Variants in ADRA1B observed in about 807,000 individuals in gnomAD.
ADRA1B encodes the protein adrenoceptor alpha 1B, also known as alpha-1B adrenergic receptor.
In ADRA1B, 17 loss-of-function variants were observed where a neutral mutation model predicts 17.9. The observed-to-expected ratio is 0.95, with a 90% CI of 0.65 to 1.42. The LOEUF is 1.42. Ranked by LOEUF, ADRA1B falls within the 40% of genes most tolerant of loss-of-function variation. ADRA1B has a pLI of 0.00. For missense variants in ADRA1B, 681 were observed against 722.1 expected, an observed-to-expected ratio of 0.94 and a Z score of 0.65; for synonymous variants, 366 against 327.6, an observed-to-expected ratio of 1.12 and a Z score of -1.27.
chr5:159,957,929 C>CAAAAAAAAAAAAAAAAAAA (rs35956137), intron 1 of ADRA1B, among the ~76,000 whole-genome samples: 2 of 66,844 alleles, frequency 3.0e-5, no homozygotes, highest in African/African-American at 6.7e-5. Flanking sequence ...AACCCCATCT[C>CAAAAAAAAAAAAAAAAAAA]AAAAAAAAAA....
intron 1 of ADRA1B, chr5:159,950,363 G>A (rs73317410): frequency 1.6e-4 from 95 of 592,860 alleles, no homozygotes; most frequent in African/African-American, 1.6e-3. Context: ...CTCTTCAGGG[G>A]GTCTGTATGG....
chr5:159,945,679 A>T (rs374346922), intron 1 of ADRA1B, among the ~76,000 whole-genome samples: 2 of 152,042 alleles, frequency 1.3e-5, no homozygotes. Flanking sequence ...TCTAAATGCT[A>T]TTGAAAATCA....
At chr5:159,969,283 T>C (rs952794579) in intron 1 of ADRA1B, among the ~76,000 whole-genome samples, 3 of 152,166 alleles carry the variant, frequency 2.0e-5, no homozygotes, top group Non-Finnish European at 4.4e-5. Context: ...GCTGACTTAC[T>C]CCTGCACCAG....
At chr5:159,979,052 G>A in the ADRA1B span, among the ~76,000 whole-genome samples, 4 of 152,258 alleles carry the variant, frequency 2.6e-5, no homozygotes, top group Non-Finnish European at 4.4e-5. Flanking sequence ...ATGGCCAGAC[G>A]TAGTGGCTCA....
chr5:159,959,967 C>G (rs1406396342), intron 1 of ADRA1B, among the ~76,000 whole-genome samples: 1 of 152,172 alleles, frequency 6.6e-6, no homozygotes, highest in Non-Finnish European at 1.5e-5. Flanking sequence ...CACTTAATAT[C>G]TGTGTCATAT....
chr5:159,959,993 C>A (rs1755635696), intron 1 of ADRA1B, among the ~76,000 whole-genome samples: 1 of 152,182 alleles, frequency 6.6e-6, no homozygotes, highest in African/African-American at 2.4e-5. Context: ...GAGTTCCATA[C>A]ACTCACAGCT....
intron 1 of ADRA1B, among the ~76,000 whole-genome samples, chr5:159,951,802 GT>G (rs1755446799): frequency 6.6e-6 from 1 of 152,166 alleles, no homozygotes. Context: ...GTCTGGCTTA[GT>G]TCTATCTTTT....
intron 1 of ADRA1B, among the ~76,000 whole-genome samples, chr5:159,949,080 C>A (rs2113255545): frequency 6.6e-6 from 1 of 152,270 alleles, no homozygotes; most frequent in South Asian, 2.1e-4. Flanking sequence ...ACCACTAAGA[C>A]AAATTCTTAA....
chr5:159,905,236 TA>T (rs1754149220), intron 1 of ADRA1B, among the ~76,000 whole-genome samples: 1 of 152,160 alleles, frequency 6.6e-6, no homozygotes, highest in South Asian at 2.1e-4. Context: ...AATAGGTTTC[TA>T]ACACAAAATT....
chr5:159,973,032 G>C (rs935660792), downstream of ADRA1B, among the ~76,000 whole-genome samples: 1 of 152,232 alleles, frequency 6.6e-6, no homozygotes, highest in Non-Finnish European at 1.5e-5. Context: ...GTGGTTTGTG[G>C]ACGAGCGGCA....
chr5:159,917,768 G>T lies in ADRA1B; in HGVS notation c.863G>T (p.Arg288Met), dbSNP rs1195955052. 2 of 1,613,972 alleles carry T rather than the reference G, an allele frequency of 1.2e-6. No individual in the cohort carries two copies. Among genetic ancestry groups the T allele is most frequent in the Non-Finnish European group, 1.7e-6 (2 of 1,180,048 alleles). ...SIAVKLFKFS[R>M]EKKAAKTLGI... ...GCTGTCAAACTTTTTAAGTTCTCCA[G>T]GGAAAAGAAAGCAGCTAAGACGTTG... The change falls in exon 1 of 2, where the codon AGG becomes ATG. Residue 288 changes from arginine (R) to methionine (M), a missense_variant. Around this residue, in one of 3 missense-constraint regions of ADRA1B, gnomAD observed 424 missense variants for 480.2 expected, o/e 0.88. Coordinates refer to ENST00000306675, the MANE Select transcript of ADRA1B (RefSeq NM_000679.4).
the ADRA1B span, among the ~76,000 whole-genome samples, chr5:159,981,524 C>T: frequency 3.3e-5 from 5 of 152,200 alleles, no homozygotes; most frequent in Non-Finnish European, 7.3e-5. Flanking sequence ...AAGATGGAAT[C>T]TCACTCTGTC....
chr5:159,942,547 A>G (rs1325589183), intron 1 of ADRA1B, among the ~76,000 whole-genome samples: 1 of 152,146 alleles, frequency 6.6e-6, no homozygotes, highest in Non-Finnish European at 1.5e-5. Context: ...TTGGCTGGCC[A>G]CACCTGTAAT....
At chr5:159,948,422 A>C in intron 1 of ADRA1B, 1 of 985,462 alleles carries the variant, frequency 1.0e-6, no homozygotes, top group East Asian at 1.1e-4. Context: ...TCAAAGCCAC[A>C]AAGCGTTTTT....
chr5:159,948,393 C>G (rs1755333118), intron 1 of ADRA1B: 2 of 985,352 alleles, frequency 2.0e-6, no homozygotes, highest in Non-Finnish European at 2.4e-6. Flanking sequence ...AAGAAAGGAA[C>G]CTTCACAAAA....
downstream of ADRA1B, among the ~76,000 whole-genome samples, chr5:159,975,332 T>A (rs181602045): frequency 6.2e-4 from 95 of 152,262 alleles, 2 homozygotes; most frequent in African/African-American, 2.2e-3. Flanking sequence ...GCAAATGGAA[T>A]TTGGAGTCAG....
rs778570104 is a variant in ADRA1B, at chr5:159,917,625, A to G, written c.720A>G (p.Gly240=). The change falls in exon 1 of 2, where the codon GGA becomes GGG. Residue 240 remains glycine (G), a synonymous_variant. Transcript: ENST00000306675. ...GAACCACCAAGAACCTAGAGGCAGG[A>G]GTCATGAAGGAGATGTCCAACTCCA... The part of the protein sequence containing the change: ...AKRTTKNLEA[G]VMKEMSNSKE... The G allele has an allele frequency of 6.2e-7, 1 of 1,613,706 alleles. No individual in the cohort carries two copies. Among genetic ancestry groups the G allele is most frequent in the Non-Finnish European group, 8.5e-7 (1 of 1,179,958 alleles).
At chr5:159,880,578 A>T (rs1415377742) in intron 1 of ADRA1B, among the ~76,000 whole-genome samples, 2 of 152,344 alleles carry the variant, frequency 1.3e-5, no homozygotes, top group Non-Finnish European at 2.9e-5. Context: ...AAAACTGGTC[A>T]TTCAGCCCCG....
Position 159,881,362 on chromosome 5 carries a change from G to C in ADRA1B, c.-256+16156G>C, listed in dbSNP as rs187923232. 5.2e-5 allele frequency among the ~76,000 whole-genome samples: 7 copies of C among 134,640 alleles called. No individual in the cohort carries two copies. The East Asian group carries it at 1.2e-3, about 24-fold the overall frequency. The allele number at this position is 134,640 out of a possible 152,430, so 88.3% of individuals were successfully genotyped here. A position where few individuals can be genotyped will look rare whatever the true frequency, so the allele number is the denominator to read the frequency against. ...CTCTCTCTCTGCCCTTTTCTCCTCT[G>C]CCCCTACCCATTCCCATGTTCTCTA... is the stretch of plus-strand genomic sequence containing the variant. On this transcript the variant is annotated intron_variant, in intron 1 of 2. Coordinates refer to the ADRA1B transcript ENST00000641205.
Sources: allele counts gnomAD v4.1 joint callset (sites outside exome capture counted in the v4.1 genomes callset), GRCh38; gene constraint gnomAD v4.1.1; regional missense constraint gnomAD v4.1.1; transcripts MANE v1.5; gene names NCBI Gene and HGNC (gene_info 2026-07-23, HGNC 2026-07-21).